The following TRAF3 variants were observed in gnomAD, a reference collection of about 807,000 sequenced individuals.
The protein encoded by TRAF3 is TNF receptor-associated factor 3.
TRAF3 carries 13 observed loss-of-function variants against 62.3 expected under a neutral mutation model. The observed-to-expected ratio is 0.21, with a 90% CI of 0.14 to 0.33. The LOEUF is 0.33. Among genes scored for constraint, TRAF3 ranks in the 10% least tolerant of loss-of-function variants. TRAF3 has a pLI of 1.00. For missense variants in TRAF3, 440 were observed against 741.8 expected (o/e 0.59, Z 4.73); for synonymous variants, 269 against 283.4 (o/e 0.95, Z 0.51).
chr14:102,876,031 C>T (rs1438231817), intron 5 of TRAF3, among the ~76,000 whole-genome samples: 1 of 152,134 alleles, frequency 6.6e-6, no homozygotes, highest in Non-Finnish European at 1.5e-5. Flanking sequence ...TGAAATTCTA[C>T]ATAACTTCTT....
intron 9 of TRAF3, among the ~76,000 whole-genome samples, chr14:102,895,798 T>C (rs1010534273): frequency 1.3e-5 from 2 of 152,186 alleles, no homozygotes; most frequent in South Asian, 4.1e-4. Flanking sequence ...AAAGGTCAAA[T>C]GTGGGGTTGG....
At position 102,784,215 on chromosome 14, in the gene TRAF3, CTTTTTTTTTTTT is replaced by C. The variant is rs76663820; in HGVS notation, c.-157+6556_-157+6567del. ...GTTTGCTCCTGGGAAGATGCTTGGC[CTTTTTTTTTTTT>C]TTTTTTTTTTTTTTTGAGGTGGAGT... is the stretch of plus-strand genomic sequence containing the variant. On this transcript the variant is annotated intron_variant, in intron 1 of 11. Transcript: ENST00000392745. Among the ~76,000 whole-genome samples the C allele has an allele frequency of 4.3e-5, 5 of 117,646 alleles. No individual in the cohort carries two copies. The East Asian group carries it at 7.6e-4, about 18-fold the overall frequency. 77.2% of individuals were successfully genotyped at this position (117,646 alleles called of 152,430 possible). A position where few individuals can be genotyped will look rare whatever the true frequency, so the allele number is the denominator to read the frequency against.
intron 1 of TRAF3, among the ~76,000 whole-genome samples, chr14:102,804,963 A>T (rs1898680766): frequency 6.6e-6 from 1 of 152,172 alleles, no homozygotes; most frequent in African/African-American, 2.4e-5. Flanking sequence ...TGTCTATACC[A>T]CCATATTTTG....
intron 2 of TRAF3, among the ~76,000 whole-genome samples, chr14:102,852,373 A>C (rs1471857716): frequency 1.3e-5 from 2 of 152,108 alleles, no homozygotes; most frequent in Non-Finnish European, 2.9e-5. Context: ...TTGGAGCTGT[A>C]CTTGTAGGTG....
chr14:102,876,876 C>T (rs1888695532), intron 6 of TRAF3, among the ~76,000 whole-genome samples: 1 of 151,222 alleles, frequency 6.6e-6, no homozygotes, highest in African/African-American at 2.4e-5. Context: ...CACAGGACTT[C>T]TGCTCAGTTC....
chr14:102,845,535 A>G (rs979161779), intron 2 of TRAF3, among the ~76,000 whole-genome samples: 1 of 148,698 alleles, frequency 6.7e-6, no homozygotes, highest in African/African-American at 2.5e-5. Context: ...TTTTTTTTCA[A>G]GACGGAGTCT....
At chr14:102,811,118 C>G (rs1899102647) in intron 1 of TRAF3, among the ~76,000 whole-genome samples, 1 of 152,166 alleles carries the variant, frequency 6.6e-6, no homozygotes, top group South Asian at 2.1e-4. Flanking sequence ...CTTAGATCAT[C>G]TTGTAGGACG....
chr14:102,838,930 A>G (rs1886194157), intron 2 of TRAF3, among the ~76,000 whole-genome samples: 1 of 152,180 alleles, frequency 6.6e-6, no homozygotes, highest in Non-Finnish European at 1.5e-5. Context: ...TAATACCATA[A>G]CATTTTTAAT....
intron 2 of TRAF3, among the ~76,000 whole-genome samples, chr14:102,837,622 G>T (rs1886105755): frequency 6.6e-6 from 1 of 151,676 alleles, no homozygotes; most frequent in Non-Finnish European, 1.5e-5. Flanking sequence ...GGCTGTGTCA[G>T]TGCTGAAATT....
At position 102,871,792 on chromosome 14, in the gene TRAF3, A is replaced by G. The variant is rs555953983; in HGVS notation, c.246-125A>G. The G allele has an allele frequency of 2.5e-5, 21 of 836,928 alleles. No homozygotes were observed. The East Asian group carries it at 5.2e-4, about 21-fold the overall frequency. The allele number at this position is 836,928 out of a possible 1,614,324, so 51.8% of individuals were successfully genotyped here. A position where few individuals can be genotyped will look rare whatever the true frequency, so the allele number is the denominator to read the frequency against. ...TAAAGTGAATCACCAGGGCGTCCTG[A>G]AGCTCTGCTGGTTGCTGTGAGCCAC... On this transcript the variant is annotated intron_variant, in intron 3 of 11. Transcript: ENST00000392745.
At chr14:102,863,718 A>G (rs939481909) in intron 2 of TRAF3, among the ~76,000 whole-genome samples, 8 of 152,180 alleles carry the variant, frequency 5.3e-5, no homozygotes, top group African/African-American at 1.7e-4. Context: ...GGTTAAATCT[A>G]TTGTTTGCCT....
rs1890839032 is a variant in TRAF3, at chr14:102,910,982, G to T, written c.*5198G>T. 1 of 152,230 alleles carries T rather than the reference G, an allele frequency of 6.6e-6. No individual in the cohort carries two copies. Among genetic ancestry groups the T allele is most frequent in the African/African-American group, 2.4e-5 (1 of 41,456 alleles). The allele number at this position is 152,230 out of a possible 1,614,324, so 9.4% of individuals were successfully genotyped here. A position where few individuals can be genotyped will look rare whatever the true frequency, so the allele number is the denominator to read the frequency against. The stretch of plus-strand genomic sequence containing the variant: ...TGTAGGAGAAGGTCTGTGAAGTGTG[G>T]AGGGCAGTGTCGACGCTGCACAGCA... On this transcript the variant is annotated 3_prime_UTR_variant, in exon 12 of 12. Transcript: ENST00000392745.
intron 1 of TRAF3, among the ~76,000 whole-genome samples, chr14:102,788,720 C>T (rs1313123733): frequency 1.3e-5 from 2 of 152,174 alleles, no homozygotes; most frequent in Admixed American, 1.3e-4. Context: ...ATCACTTGAG[C>T]CCAGGAGGCA....
chr14:102,900,470 G>A (rs796290446), intron 10 of TRAF3, among the ~76,000 whole-genome samples: 2 of 152,316 alleles, frequency 1.3e-5, no homozygotes, highest in African/African-American at 2.4e-5. Flanking sequence ...CATTGCACTC[G>A]AGACTGGGTG....
At chr14:102,844,394 G>T (rs1269870354) in intron 2 of TRAF3, among the ~76,000 whole-genome samples, 1 of 152,196 alleles carries the variant, frequency 6.6e-6, no homozygotes, top group Non-Finnish European at 1.5e-5. Flanking sequence ...ATGTGTTCAG[G>T]TTCTTTGGGA....
intron 2 of TRAF3, among the ~76,000 whole-genome samples, chr14:102,858,618 G>C (rs529172512): frequency 6.6e-6 from 1 of 152,150 alleles, no homozygotes; most frequent in Admixed American, 6.5e-5. Context: ...CACTATTAAA[G>C]GCACAATTGA....
intron 2 of TRAF3, among the ~76,000 whole-genome samples, chr14:102,869,666 T>C (rs546133988): frequency 1.3e-5 from 2 of 151,720 alleles, no homozygotes; most frequent in Admixed American, 1.3e-4. Context: ...ATTAGCCAGG[T>C]GTGGTGGTGG....
chr14:102,899,951 G>A (rs762272027), intron 10 of TRAF3, among the ~76,000 whole-genome samples: 16 of 151,974 alleles, frequency 1.1e-4, no homozygotes, highest in Non-Finnish European at 2.4e-4. Context: ...AGGCCGAGGC[G>A]GGCGGATCAT....
chr14:102,880,203 GC>G (rs1351606568), intron 6 of TRAF3, among the ~76,000 whole-genome samples: 17 of 152,314 alleles, frequency 1.1e-4, no homozygotes, highest in African/African-American at 4.1e-4. Context: ...TCCAGGCTGT[GC>G]ATAATGGCTC....
Sources: gnomAD v4.1 joint callset for allele counts (sites outside exome capture counted in the v4.1 genomes callset) on GRCh38, gnomAD v4.1.1 for gene constraint, MANE v1.5 for transcripts, NCBI Gene and HGNC (gene_info 2026-07-23, HGNC 2026-07-21) for gene names.